Variants in NRG3 observed in about 807,000 individuals in gnomAD.
The protein encoded by NRG3 is pro-neuregulin-3, membrane-bound isoform.
Under a neutral mutation model 66.9 loss-of-function variants are expected in NRG3, and 31 were observed. That is an observed-to-expected ratio of 0.46 (90% CI 0.35 to 0.63). The LOEUF is 0.63. Among genes scored for constraint, NRG3 ranks in the 20% least tolerant of loss-of-function variants. NRG3 has a pLI of 0.00. For missense variants in NRG3, 910 were observed against 878.9 expected (o/e 1.04, Z -0.45); for synonymous variants, 393 against 359.4 (o/e 1.09, Z -1.06).
chr10:82,377,457 T>TGCGCGC (rs141762555), intron 2 of NRG3, among the ~76,000 whole-genome samples: 195 of 150,456 alleles, frequency 1.3e-3, no homozygotes, highest in African/African-American at 3.2e-3. Flanking sequence ...TGTGTGTGTG[T>TGCGCGC]GCGCGAGCGC....
At chr10:82,245,530 T>A (rs1160873188) in intron 1 of NRG3, among the ~76,000 whole-genome samples, 1 of 152,222 alleles carries the variant, frequency 6.6e-6, no homozygotes, top group Non-Finnish European at 1.5e-5. Context: ...CACATGGATT[T>A]AAATCTTGGA....
intron 3 of NRG3, among the ~76,000 whole-genome samples, chr10:82,812,403 A>C: frequency 6.6e-6 from 1 of 152,260 alleles, no homozygotes; most frequent in East Asian, 1.9e-4. Context: ...CTTCGGCTCA[A>C]GAACAAAAAG....
chr10:82,899,864 A>T (rs1253320303), intron 4 of NRG3, among the ~76,000 whole-genome samples: 2 of 152,226 alleles, frequency 1.3e-5, no homozygotes, highest in African/African-American at 4.8e-5. Context: ...AATGGTTACG[A>T]GAGGGGTAGA....
At chr10:82,538,508 G>T (rs80327904) in intron 2 of NRG3, among the ~76,000 whole-genome samples, 5,389 of 152,062 alleles carry the variant, frequency 0.035, 214 homozygotes, top group East Asian at 0.16. Context: ...AATGCTACAT[G>T]GTTATTAAGG....
At chr10:82,672,627 A>G (rs2053370481) in intron 2 of NRG3, among the ~76,000 whole-genome samples, 1 of 152,226 alleles carries the variant, frequency 6.6e-6, no homozygotes, top group African/African-American at 2.4e-5. Flanking sequence ...TTGTTAGACT[A>G]TTGACAAGGG....
At chr10:82,573,829 T>A (rs2045883134) in intron 2 of NRG3, among the ~76,000 whole-genome samples, 1 of 151,748 alleles carries the variant, frequency 6.6e-6, no homozygotes, top group Non-Finnish European at 1.5e-5. Flanking sequence ...GAGAAGGGAC[T>A]GGAGAAACTG....
At chr10:82,662,026 G>A (rs998601906) in intron 2 of NRG3, among the ~76,000 whole-genome samples, 17 of 152,244 alleles carry the variant, frequency 1.1e-4, no homozygotes, top group African/African-American at 4.1e-4. Flanking sequence ...CCAATGCCCT[G>A]ATTATAACAA....
chr10:82,026,461 G>T lies in NRG3; in HGVS notation c.823+150298G>T, dbSNP rs143800092. Among the ~76,000 whole-genome samples, 1,219 of 152,112 alleles carry T rather than the reference G, an allele frequency of 8.0e-3. 20 individuals carry two copies. Among genetic ancestry groups the T allele is most frequent in the African/African-American group, 0.027 (1,138 of 41,524 alleles). Reference sequence around the variant, plus strand: ...TTCAGGTTTATCTTGCTTCTGATACGTGTTACTGATGATGTTTCGGGAATT... The same window carrying T: ...TTCAGGTTTATCTTGCTTCTGATACTTGTTACTGATGATGTTTCGGGAATT... On this transcript the variant is annotated intron_variant, in intron 1 of 8. Transcript: ENST00000372141.
chr10:81,930,378 T>C (rs938296103), intron 1 of NRG3, among the ~76,000 whole-genome samples: 1 of 152,040 alleles, frequency 6.6e-6, no homozygotes, highest in African/African-American at 2.4e-5. Context: ...GCATTATACT[T>C]ACAGTTTTAT....
chr10:82,536,461 T>C (rs984341177), intron 2 of NRG3, among the ~76,000 whole-genome samples: 1 of 152,234 alleles, frequency 6.6e-6, no homozygotes, highest in Non-Finnish European at 1.5e-5. Flanking sequence ...TTTTCCCTTT[T>C]GCTTTTGCAC....
intron 1 of NRG3, among the ~76,000 whole-genome samples, chr10:82,074,845 C>A (rs1351517025): frequency 2.0e-5 from 3 of 152,104 alleles, no homozygotes; most frequent in African/African-American, 7.2e-5. Context: ...CCCTCCCACA[C>A]CAAAAACTAA....
intron 1 of NRG3, among the ~76,000 whole-genome samples, chr10:82,157,561 A>C (rs1263609735): frequency 6.6e-6 from 1 of 151,642 alleles, no homozygotes; most frequent in African/African-American, 2.4e-5. Context: ...GAAATCATTT[A>C]AAATATTGCA....
intron 2 of NRG3, among the ~76,000 whole-genome samples, chr10:82,507,396 T>TA (rs1369438472): frequency 1.3e-5 from 2 of 151,884 alleles, no homozygotes; most frequent in South Asian, 2.1e-4. Flanking sequence ...GTTTTGGAAA[T>TA]AAAAAAATAA....
intron 2 of NRG3, among the ~76,000 whole-genome samples, chr10:82,614,208 T>C (rs554331849): frequency 1.3e-5 from 2 of 152,332 alleles, no homozygotes; most frequent in African/African-American, 4.8e-5. Context: ...GGGGCACTGT[T>C]ACTTTAACAA....
At chr10:82,124,460 G>A (rs17640031) in intron 1 of NRG3, among the ~76,000 whole-genome samples, 4,977 of 151,870 alleles carry the variant, frequency 0.033, 183 homozygotes, top group South Asian at 0.075. Context: ...AACAAGTTTG[G>A]CTAACACAGG....
At chr10:82,170,671 T>G (rs564352391) in intron 1 of NRG3, among the ~76,000 whole-genome samples, 1 of 107,828 alleles carries the variant, frequency 9.3e-6, no homozygotes, top group Admixed American at 8.5e-5. Flanking sequence ...TATATATATA[T>G]ATATATATAT....
At chr10:82,751,520 G>C (rs897197898) in intron 3 of NRG3, among the ~76,000 whole-genome samples, 1 of 152,122 alleles carries the variant, frequency 6.6e-6, no homozygotes, top group Non-Finnish European at 1.5e-5. Flanking sequence ...CAGGGAATTT[G>C]TAAATCAAAA....
chr10:82,894,342 C>T (rs1843444077), intron 4 of NRG3, among the ~76,000 whole-genome samples: 1 of 151,996 alleles, frequency 6.6e-6, no homozygotes, highest in African/African-American at 2.4e-5. Flanking sequence ...ATAAGCCTAG[C>T]ATATATTTTT....
chr10:82,772,210 T>C (rs1022398645), intron 3 of NRG3, among the ~76,000 whole-genome samples: 1 of 152,172 alleles, frequency 6.6e-6, no homozygotes, highest in African/African-American at 2.4e-5. Flanking sequence ...GAGGGTAAAA[T>C]GGTTACTCTA....
Sources: allele counts gnomAD v4.1 joint callset (sites outside exome capture counted in the v4.1 genomes callset), GRCh38; gene constraint gnomAD v4.1.1; transcripts MANE v1.5; gene names NCBI Gene and HGNC (gene_info 2026-07-23, HGNC 2026-07-21).